NEK3: variants seen among roughly 807,000 people sequenced by gnomAD.
NEK3 encodes NIMA related kinase 3, also known as serine/threonine-protein kinase Nek3.
NEK3 carries 54 observed loss-of-function variants against 66.0 expected under a neutral mutation model. That is an observed-to-expected ratio of 0.82 (90% CI 0.66 to 1.03). The LOEUF (loss-of-function observed/expected upper bound fraction) is 1.03. Ranked by LOEUF, NEK3 falls within the 50% of genes least tolerant of loss-of-function variation. The pLI is 0.00. For synonymous variants in NEK3, 200 were observed against 206.2 expected (o/e 0.97, Z 0.26); for missense variants, 593 against 603.0 (o/e 0.98, Z 0.17).
At chr13:52,134,758 T>G (rs985470447) in intron 14 of NEK3, among the ~76,000 whole-genome samples, 1 of 152,220 alleles carries the variant, frequency 6.6e-6, no homozygotes, top group African/African-American at 2.4e-5. Context: ...TAAACTTCCT[T>G]AACATTTTCC....
At chr13:52,155,346 T>C (rs1446443568) in intron 2 of NEK3, among the ~76,000 whole-genome samples, 1 of 152,206 alleles carries the variant, frequency 6.6e-6, no homozygotes, top group East Asian at 1.9e-4. Flanking sequence ...AAATAAAACC[T>C]ATAAACTGAT....
chr13:52,147,809 T>A (rs1050712050), intron 8 of NEK3, among the ~76,000 whole-genome samples: 1 of 151,740 alleles, frequency 6.6e-6, no homozygotes, highest in Admixed American at 6.6e-5. Context: ...TACAAAAAAA[T>A]ACAAAAAAAA....
intron 8 of NEK3, 118 bp downstream of exon 8, chr13:52,148,297 A>C: frequency 4.3e-6 from 4 of 931,996 alleles, no homozygotes; most frequent in Non-Finnish European, 6.7e-6. Context: ...GGAAACATAT[A>C]CAAACTTTTA....
chr13:52,155,440 T>G (rs1025474680), intron 2 of NEK3, among the ~76,000 whole-genome samples: 1 of 152,186 alleles, frequency 6.6e-6, no homozygotes, highest in Non-Finnish European at 1.5e-5. Flanking sequence ...ATATTGCACC[T>G]GAGTTGCTCT....
intron 4 of NEK3, among the ~76,000 whole-genome samples, chr13:52,153,675 T>C (rs960504573): frequency 1.2e-4 from 18 of 152,198 alleles, no homozygotes; most frequent in Admixed American, 6.5e-4. Context: ...GAAAGTTTTA[T>C]TTCATAATAA....
intron 4 of NEK3, 106 bp from the exon 5 acceptor site, chr13:52,152,798 G>A (rs895436611): frequency 6.1e-6 from 4 of 660,988 alleles, no homozygotes; most frequent in Middle Eastern, 3.5e-4. Context: ...GGGATTTTAC[G>A]TAATGTGAGT....
rs539188943 is a variant in NEK3 at position 52,141,331 on chromosome 13, A to C, written c.878-262T>G. On this transcript the variant is annotated intron_variant, in intron 10 of 15. Coordinates refer to ENST00000610828, the MANE Select transcript of NEK3 (RefSeq NM_002498.3). ...AAAGACATCTCTATTCACTTATGCC[A>C]ACCCATTTAAGCACTAAGAGGTAAC... is the stretch of plus-strand genomic sequence containing the variant. 4.6e-5 allele frequency among the ~76,000 whole-genome samples: 7 copies of C among 152,360 alleles called. No homozygotes were observed. The South Asian group carries it at 1.0e-3, about 23-fold the overall frequency.
At chr13:52,137,380 G>A (rs1344442327) in intron 11 of NEK3, among the ~76,000 whole-genome samples, 1 of 152,062 alleles carries the variant, frequency 6.6e-6, no homozygotes, top group Non-Finnish European at 1.5e-5. Flanking sequence ...GATTTATTTC[G>A]TGAAATATAG....
At chr13:52,135,620 T>A in intron 14 of NEK3, 109 bp downstream of exon 14, 1 of 940,680 alleles carries the variant, frequency 1.1e-6, no homozygotes, top group South Asian at 2.0e-5. Context: ...TTAGTGCTAC[T>A]GAACTGTACA....
chr13:52,147,702 T>G (rs1956305775), intron 8 of NEK3, among the ~76,000 whole-genome samples: 1 of 152,192 alleles, frequency 6.6e-6, no homozygotes, highest in African/African-American at 2.4e-5. Context: ...CCGGGCATAG[T>G]GGCTCATGCC....
At position 52,156,236 on chromosome 13, in the gene NEK3, G is replaced by C; in HGVS notation, c.-45C>G. The C allele has an allele frequency of 8.5e-7, 1 of 1,173,314 alleles. No individual in the cohort carries two copies. The highest frequency in any genetic ancestry group is 1.2e-6 in the Non-Finnish European group (1 of 804,534). 72.7% of individuals were successfully genotyped at this position (1,173,314 alleles called of 1,614,324 possible). On this transcript the variant is annotated 5_prime_UTR_variant, in exon 2 of 16. Transcript: ENST00000610828. ...TGGGCTCCACTCACGCAGTCACCAT[G>C]GGCTCTCCCAAACTGCATTCAAAAG...
chr13:52,139,504 G>A (rs561588336), intron 11 of NEK3, among the ~76,000 whole-genome samples: 2 of 152,204 alleles, frequency 1.3e-5, no homozygotes, highest in African/African-American at 4.8e-5. Flanking sequence ...CAGTAGTGAT[G>A]GTTGCACAGT....
Position 52,136,015 on chromosome 13 carries a change from C to T in NEK3, c.1174+101G>A, listed in dbSNP as rs149450424. On this transcript the variant is annotated intron_variant, in intron 13 of 15. Coordinates refer to ENST00000610828, the MANE Select transcript of NEK3 (RefSeq NM_002498.3). ...GTATGAGCAATGCTCTGATGTGTGACGCCAAATACCCTTCACAGACATTAA... is the reference window on the plus strand; with the variant it reads ...GTATGAGCAATGCTCTGATGTGTGATGCCAAATACCCTTCACAGACATTAA... 3.5e-5 allele frequency: 53 copies of T among 1,509,226 alleles called. No homozygotes were observed. In the East Asian group the frequency reaches 5.0e-4, roughly 14 times the overall value. The allele number at this position is 1,509,226 out of a possible 1,614,324, so 93.5% of individuals were successfully genotyped here.
At chr13:52,141,210 T>C (rs1956247891) in intron 10 of NEK3, 141 bp from the exon 11 acceptor site, 2 of 597,670 alleles carry the variant, frequency 3.3e-6, no homozygotes, top group Non-Finnish European at 2.8e-6. Flanking sequence ...ATATCCTGAA[T>C]GGGAATAACA....
chr13:52,151,452 G>C, intron 5 of NEK3, 60 bp from the exon 6 acceptor site: 1 of 1,442,486 alleles, frequency 6.9e-7, no homozygotes, highest in Non-Finnish European at 9.5e-7. Context: ...AGGCAGATAA[G>C]CTGTCTTCCA....
Position 52,151,159 on chromosome 13 carries a change from A to T in NEK3, c.535T>A (p.Tyr179Asn). The T allele has an allele frequency of 6.2e-7, 1 of 1,608,134 alleles. No homozygotes were observed. Among genetic ancestry groups the T allele is most frequent in the Non-Finnish European group, 8.5e-7 (1 of 1,177,294 alleles). Residue 179 changes from tyrosine to asparagine, a missense_variant, in exon 7 of 16, where the codon TAT (tyrosine) becomes AAT (asparagine). By Grantham distance (143) the Tyr-to-Asn change is moderately radical. Coordinates refer to ENST00000610828, the MANE Select transcript of NEK3 (RefSeq NM_002498.3). ...TGCAGCACTCACCTTTTATTGTTAT[A>T]AGGCAGGTTTTCCCAAATTTCTGGA... ...VPPEIWENLP[Y>N]NNKSDIWSLG...
At chr13:52,138,413 A>G (rs1183039498) in intron 11 of NEK3, among the ~76,000 whole-genome samples, 2 of 152,220 alleles carry the variant, frequency 1.3e-5, no homozygotes, top group African/African-American at 2.4e-5. Flanking sequence ...AAATGGGTAA[A>G]TTTTGTGGCA....
intron 9 of NEK3, 43 bp downstream of exon 9, chr13:52,144,648 T>C (rs376685016): frequency 6.7e-7 from 1 of 1,501,506 alleles, no homozygotes; most frequent in African/African-American, 1.4e-5. Context: ...CATTTTACCA[T>C]ACACTTGAAA....
chr13:52,148,332 A>C lies in NEK3; in HGVS notation c.603+83T>G, dbSNP rs141254943. 35 of 1,334,330 alleles carry C rather than the reference A, an allele frequency of 2.6e-5. No homozygotes were observed. In the East Asian group the frequency reaches 8.1e-4, roughly 31 times the overall value. 82.7% of individuals were successfully genotyped at this position (1,334,330 alleles called of 1,614,324 possible). ...ATAATGACTTCATCCTAGGGAAGCA[A>C]ACTGCCAACTAGAATCTGTCACATT... On this transcript the variant is annotated intron_variant, in intron 8 of 15. Coordinates refer to ENST00000610828, the MANE Select transcript of NEK3 (RefSeq NM_002498.3).
Sources: gnomAD v4.1 joint callset for allele counts (sites outside exome capture counted in the v4.1 genomes callset) on GRCh38, gnomAD v4.1.1 for gene constraint, MANE v1.5 for transcripts, NCBI Gene and HGNC (gene_info 2026-07-23, HGNC 2026-07-21) for gene names.